APBB2: variants seen among roughly 807,000 people sequenced by gnomAD.
APBB2 encodes amyloid beta precursor protein binding family B member 2.
A neutral mutation model predicts 82.5 loss-of-function variants in APBB2; 38 were observed. The observed-to-expected ratio is 0.46, with a 90% CI of 0.36 to 0.60. APBB2 has a LOEUF of 0.60. Ranked by LOEUF, APBB2 falls within the 20% of genes least tolerant of loss-of-function variation. The pLI, the probability that APBB2 is intolerant of heterozygous loss-of-function variation, is 0.00. For missense variants in APBB2, 772 were observed against 972.3 expected, an observed-to-expected ratio of 0.79 and a Z score of 2.74; for synonymous variants, 341 against 368.2, an observed-to-expected ratio of 0.93 and a Z score of 0.85.
intron 12 of APBB2, among the ~76,000 whole-genome samples, chr4:40,872,706 T>C (rs1310941301): frequency 6.6e-6 from 1 of 152,020 alleles, no homozygotes; most frequent in Non-Finnish European, 1.5e-5. Context: ...TGATGTGGCC[T>C]TGGACATGAA....
At chr4:41,110,982 C>G (rs1177149251) in intron 2 of APBB2, among the ~76,000 whole-genome samples, 1 of 152,204 alleles carries the variant, frequency 6.6e-6, no homozygotes, top group Non-Finnish European at 1.5e-5. Flanking sequence ...TGAGCTTGTT[C>G]TCCTGCAACT....
At position 41,049,088 on chromosome 4, in the gene APBB2, G is replaced by A. The variant is rs538145491; in HGVS notation, c.-50-15784C>T. Among the ~76,000 whole-genome samples, 1,286 of 151,510 alleles carry A rather than the reference G, an allele frequency of 8.5e-3. 5 individuals are homozygous for A. Among genetic ancestry groups the A allele is most frequent in the Non-Finnish European group, 9.3e-3 (629 of 67,834 alleles). On this transcript the variant is annotated intron_variant, in intron 4 of 17. Transcript: ENST00000508593. ...GCAGCCTCTGCCCGGCCGCCACCCCGTCTGGGAAGTGAGGAGCGTCTCTGC... is the reference window on the plus strand; with the variant it reads ...GCAGCCTCTGCCCGGCCGCCACCCCATCTGGGAAGTGAGGAGCGTCTCTGC...
At chr4:41,110,060 T>C (rs1748634096) in intron 2 of APBB2, among the ~76,000 whole-genome samples, 1 of 152,184 alleles carries the variant, frequency 6.6e-6, no homozygotes. Context: ...TTATGATAAC[T>C]GATTTATCCA....
chr4:41,052,322 C>T (rs1022669510), intron 4 of APBB2, among the ~76,000 whole-genome samples: 1 of 152,204 alleles, frequency 6.6e-6, no homozygotes, highest in African/African-American at 2.4e-5. Context: ...CTAACCCCAA[C>T]TTGTCCCTAA....
At chr4:41,112,953 C>T (rs1749728509) in intron 2 of APBB2, among the ~76,000 whole-genome samples, 2 of 151,864 alleles carry the variant, frequency 1.3e-5, no homozygotes, top group South Asian at 4.2e-4. Context: ...CACAATGGCA[C>T]TCCAACCTGG....
chr4:41,112,836 A>AAAC (rs1164424430), intron 2 of APBB2, among the ~76,000 whole-genome samples: 17 of 152,202 alleles, frequency 1.1e-4, no homozygotes, highest in African/African-American at 3.4e-4. Context: ...AAAAATGCAA[A>AAAC]ATTAGCCGGG....
chr4:41,049,286 G>A (rs1350741660), intron 4 of APBB2, among the ~76,000 whole-genome samples: 2 of 149,728 alleles, frequency 1.3e-5, no homozygotes, highest in African/African-American at 4.9e-5. Context: ...CCCCGTCGGA[G>A]AAGTGAGGAG....
intron 4 of APBB2, among the ~76,000 whole-genome samples, chr4:41,051,735 G>A (rs751421260): frequency 1.3e-5 from 2 of 151,984 alleles, no homozygotes; most frequent in African/African-American, 4.8e-5. Flanking sequence ...GTACTCTCCC[G>A]CAGAGCTGCC....
At chr4:40,881,535 T>C (rs2154346209) in intron 12 of APBB2, 1 of 133,050 alleles carries the variant, frequency 7.5e-6, no homozygotes. Flanking sequence ...TTTCTTTTTC[T>C]TTTTTTTTTT....
chr4:41,088,360 C>T (rs11945256), intron 3 of APBB2, among the ~76,000 whole-genome samples: 2 of 152,166 alleles, frequency 1.3e-5, no homozygotes, highest in Non-Finnish European at 2.9e-5. Flanking sequence ...TATCAACTCA[C>T]CCCTGCCCTA....
At chr4:41,089,928 G>A (rs900957317) in intron 3 of APBB2, among the ~76,000 whole-genome samples, 2 of 152,042 alleles carry the variant, frequency 1.3e-5, no homozygotes, top group African/African-American at 2.4e-5. Flanking sequence ...CCTGAACACC[G>A]AAAGCTTTTA....
At chr4:40,823,782 TA>T in intron 15 of APBB2, 23 bp from the exon 16 acceptor site, 2 of 1,522,232 alleles carry the variant, frequency 1.3e-6, no homozygotes, top group Non-Finnish European at 1.8e-6. Flanking sequence ...AAGGATAATT[TA>T]AAGTGTCCTA....
At chr4:41,115,994 A>G (rs1387742813) in intron 2 of APBB2, among the ~76,000 whole-genome samples, 3 of 152,220 alleles carry the variant, frequency 2.0e-5, no homozygotes, top group African/African-American at 4.8e-5. Flanking sequence ...AAATCATTCT[A>G]CTGTAAAGAC....
In APBB2 at chr4:41,013,844, G is replaced by C. The variant is rs1196059035; in HGVS notation, c.574C>G (p.Pro192Ala). Reference sequence around the variant, plus strand: ...ATGGTGGAGGCCTGGCCCTGGACTGGCTGGGATTTCTCTTCCGCAGTCCCA... The same window carrying C: ...ATGGTGGAGGCCTGGCCCTGGACTGCCTGGGATTTCTCTTCCGCAGTCCCA... ...HHGTAEEKSQ[P>A]VQGQASTIIG... Residue 192 changes from proline (P) to alanine (A), a missense_variant, in exon 6 of 18, where the codon CCA becomes GCA. Pro to Ala is a conservative substitution (Grantham distance 27, BLOSUM62 -1). Coordinates refer to ENST00000508593, the MANE Select transcript of APBB2 (RefSeq NM_004307.2). 2.6e-5 allele frequency: 42 copies of C among 1,614,174 alleles called. No individual in the cohort carries two copies. The highest frequency in any genetic ancestry group is 3.5e-5 in the Non-Finnish European group (41 of 1,180,040).
At chr4:40,904,985 G>A (rs1201164700) in intron 10 of APBB2, among the ~76,000 whole-genome samples, 1 of 152,030 alleles carries the variant, frequency 6.6e-6, no homozygotes, top group Non-Finnish European at 1.5e-5. Context: ...GCCCTTTGAA[G>A]CCCTGGGCCC....
intron 2 of APBB2, among the ~76,000 whole-genome samples, chr4:41,108,592 T>C (rs1465825581): frequency 6.6e-6 from 1 of 152,190 alleles, no homozygotes; most frequent in Non-Finnish European, 1.5e-5. Context: ...AGAAACGCTG[T>C]GCAGGTGCGG....
chr4:41,214,440 C>T lies in APBB2; in HGVS notation c.-452G>A, dbSNP rs1413161636. 1.3e-5 allele frequency: 2 copies of T among 152,460 alleles called. No individual in the cohort carries two copies. Among genetic ancestry groups the T allele is most frequent in the African/African-American group, 2.4e-5 (1 of 41,482 alleles). The allele number at this position is 152,460 out of a possible 1,614,324, so 9.4% of individuals were successfully genotyped here. A position where few individuals can be genotyped will look rare whatever the true frequency, so the allele number is the denominator to read the frequency against. On this transcript the variant is annotated 5_prime_UTR_variant, in exon 1 of 18. Transcript: ENST00000508593. ...CGCGGCGCTCGCCTCGGCTCCGGCG[C>T]CCAGCGGCTCTGCTCCAGTCTCGCC...
chr4:41,082,818 G>T (rs1300811986), intron 3 of APBB2, among the ~76,000 whole-genome samples: 1 of 152,094 alleles, frequency 6.6e-6, no homozygotes, highest in Non-Finnish European at 1.5e-5. Flanking sequence ...CAGCTGGGCG[G>T]CATGCAGTTT....
At chr4:41,117,001 C>T (rs924816642) in intron 2 of APBB2, among the ~76,000 whole-genome samples, 3 of 152,036 alleles carry the variant, frequency 2.0e-5, no homozygotes, top group African/African-American at 4.8e-5. Context: ...CCATCACTGT[C>T]CCTCAGTTAA....
Sources: gnomAD v4.1 joint callset for allele counts (sites outside exome capture counted in the v4.1 genomes callset) on GRCh38, gnomAD v4.1.1 for gene constraint, MANE v1.5 for transcripts, NCBI Gene and HGNC (gene_info 2026-07-23, HGNC 2026-07-21) for gene names.